RALGPS1: variants seen among roughly 807,000 people sequenced by gnomAD.
The protein encoded by RALGPS1 is Ral GEF with PH domain and SH3 binding motif 1, also known as ras-specific guanine nucleotide-releasing factor RalGPS1.
In RALGPS1, 19 loss-of-function variants were observed where a neutral mutation model predicts 78.8. The observed-to-expected ratio is 0.24, with a 90% confidence interval of 0.17 to 0.35. The LOEUF (loss-of-function observed/expected upper bound fraction) is 0.35. RALGPS1 is among the 10% of genes least tolerant of loss of function. The pLI is 1.00. For missense variants in RALGPS1, 454 were observed against 688.3 expected, an observed-to-expected ratio of 0.66 and a Z score of 3.81; for synonymous variants, 228 against 256.3, an observed-to-expected ratio of 0.89 and a Z score of 1.06.
At chr9:126,976,345 G>A (rs900712821) in intron 3 of RALGPS1, among the ~76,000 whole-genome samples, 3 of 145,868 alleles carry the variant, frequency 2.1e-5, no homozygotes, top group Admixed American at 6.8e-5. Context: ...TCATATACAC[G>A]CACACACGTA....
At chr9:127,053,036 C>T (rs1406842461) in intron 7 of RALGPS1, 97 bp downstream of exon 7, 1 of 890,900 alleles carries the variant, frequency 1.1e-6, no homozygotes, top group Admixed American at 1.9e-5. Context: ...ACTGTCTATA[C>T]TTTGCCAACA....
intron 8 of RALGPS1, among the ~76,000 whole-genome samples, chr9:127,132,912 A>G (rs2057106540): frequency 6.6e-6 from 1 of 152,202 alleles, no homozygotes; most frequent in African/African-American, 2.4e-5. Flanking sequence ...ACTGGTATAG[A>G]CTGTGGGCTC....
intron 11 of RALGPS1, among the ~76,000 whole-genome samples, chr9:127,184,829 C>T (rs2060530772): frequency 6.6e-6 from 1 of 152,218 alleles, no homozygotes; most frequent in Non-Finnish European, 1.5e-5. Flanking sequence ...GAGTAGTTTC[C>T]CCTCTGCCAC....
chr9:126,976,981 T>C (rs2040725293), intron 3 of RALGPS1, among the ~76,000 whole-genome samples: 1 of 152,256 alleles, frequency 6.6e-6, no homozygotes, highest in African/African-American at 2.4e-5. Context: ...TGCTGCATCT[T>C]AAGCCGGCTG....
chr9:127,216,401 G>C (rs1274867995), intron 18 of RALGPS1, among the ~76,000 whole-genome samples: 1 of 152,328 alleles, frequency 6.6e-6, no homozygotes, highest in Non-Finnish European at 1.5e-5. Flanking sequence ...ATAGGGATGT[G>C]TACACACATG....
At chr9:127,108,961 A>G (rs940682627) in intron 8 of RALGPS1, among the ~76,000 whole-genome samples, 2 of 152,228 alleles carry the variant, frequency 1.3e-5, no homozygotes, top group Non-Finnish European at 2.9e-5. Context: ...AAGAGGAGAC[A>G]GGCAAGCCCC....
chr9:127,214,267 T>G (rs1225964407), intron 17 of RALGPS1: 1 of 153,122 alleles, frequency 6.5e-6, no homozygotes, highest in Non-Finnish European at 1.5e-5. Context: ...TCAACAAAAA[T>G]GTTAGCAATA....
At chr9:127,023,421 TTCC>T (rs2045653239) in intron 4 of RALGPS1, among the ~76,000 whole-genome samples, 2 of 152,206 alleles carry the variant, frequency 1.3e-5, no homozygotes, top group South Asian at 4.1e-4. Context: ...AATCCCTTTA[TTCC>T]TCCTCCTCCC....
chr9:127,052,528 G>T (rs375195929), intron 6 of RALGPS1, among the ~76,000 whole-genome samples: 2 of 152,266 alleles, frequency 1.3e-5, no homozygotes, highest in East Asian at 3.9e-4. Flanking sequence ...CACAGTCGGG[G>T]TTTTAGTTTA....
intron 1 of RALGPS1, among the ~76,000 whole-genome samples, chr9:126,949,470 A>G (rs2037601984): frequency 6.6e-6 from 1 of 152,162 alleles, no homozygotes; most frequent in Non-Finnish European, 1.5e-5. Context: ...CCTCTCCAGC[A>G]CCTGTTGTTT....
chr9:127,052,947 A>T lies in RALGPS1; in HGVS notation c.483+8A>T, dbSNP rs961726482. On this transcript the variant is annotated splice_region_variant and intron_variant, in intron 7 of 18. Transcript: ENST00000259351. ...CTGACAAAAACCTGGGCTGTAAGTT[A>T]ATCTCCCTAAGTCTATCTAATTTTG... 6.5e-7 allele frequency: 1 copy of T among 1,543,120 alleles called. No homozygotes were observed. Among genetic ancestry groups the T allele is most frequent in the Non-Finnish European group, 9.0e-7 (1 of 1,115,660 alleles).
chr9:127,188,847 A>AAAAAAAAAAAAAAAAAAAAAAAAAAAG (rs2060845813), intron 11 of RALGPS1, among the ~76,000 whole-genome samples: 1 of 149,388 alleles, frequency 6.7e-6, no homozygotes, highest in Admixed American at 6.7e-5. Context: ...AAAAAAAAAA[A>AAAAAAAAAAAAAAAAAAAAAAAAAAAG]AATGTAGCCA....
At chr9:127,087,337 AT>A (rs1230498103) in intron 8 of RALGPS1, 2 of 152,610 alleles carry the variant, frequency 1.3e-5, no homozygotes, top group Admixed American at 1.3e-4. Context: ...CAGAGTGTAG[AT>A]ACATCCAAAT....
At chr9:127,153,519 C>T (rs1380083211) in intron 8 of RALGPS1, among the ~76,000 whole-genome samples, 1 of 151,882 alleles carries the variant, frequency 6.6e-6, no homozygotes, top group African/African-American at 2.4e-5. Context: ...CTGTATACCC[C>T]TGTGTCTAGA....
At chr9:127,062,928 C>G (rs2049349316) in intron 7 of RALGPS1, among the ~76,000 whole-genome samples, 1 of 152,188 alleles carries the variant, frequency 6.6e-6, no homozygotes, top group Non-Finnish European at 1.5e-5. Flanking sequence ...CATTTCCTTA[C>G]TGATTCCATA....
chr9:127,133,765 A>AG (rs1476064256), intron 8 of RALGPS1, among the ~76,000 whole-genome samples: 1 of 152,158 alleles, frequency 6.6e-6, no homozygotes, highest in Non-Finnish European at 1.5e-5. Context: ...TTTGGTAAAC[A>AG]GAATGCTTAA....
chr9:127,101,762 C>G (rs2053753859), intron 8 of RALGPS1, among the ~76,000 whole-genome samples: 1 of 152,164 alleles, frequency 6.6e-6, no homozygotes, highest in African/African-American at 2.4e-5. Context: ...GGACCCTACT[C>G]TAGACATACC....
chr9:127,180,479 C>T (rs1319210069), intron 11 of RALGPS1, among the ~76,000 whole-genome samples: 1 of 152,202 alleles, frequency 6.6e-6, no homozygotes, highest in Non-Finnish European at 1.5e-5. Context: ...AGCTGTAGGC[C>T]CTTGGGTCAT....
chr9:127,044,561 CT>C (rs955614810), intron 5 of RALGPS1, among the ~76,000 whole-genome samples: 1 of 151,974 alleles, frequency 6.6e-6, no homozygotes, highest in Non-Finnish European at 1.5e-5. Context: ...CGGCCCGAAT[CT>C]TTTTTTTAAA....
Sources: gnomAD v4.1 joint callset for allele counts (sites outside exome capture counted in the v4.1 genomes callset) on GRCh38, gnomAD v4.1.1 for gene constraint, MANE v1.5 for transcripts, NCBI Gene and HGNC (gene_info 2026-07-23, HGNC 2026-07-21) for gene names.